Variants in IQGAP3 observed in about 807,000 individuals in gnomAD.
IQGAP3 encodes the protein IQ motif containing GTPase activating protein 3.
IQGAP3 carries 165 observed loss-of-function variants against 208.2 expected under a neutral mutation model. The observed-to-expected ratio is 0.79, with a 90% CI of 0.70 to 0.90. The LOEUF (loss-of-function observed/expected upper bound fraction) is 0.90, where lower values mean the gene tolerates loss of function less well. IQGAP3 is among the 40% of genes least tolerant of loss of function. The probability of loss-of-function intolerance (pLI) is 0.00; values close to 1 mark genes in which losing one functional copy is unlikely to be tolerated. For missense variants in IQGAP3, 1,811 were observed against 2,043.1 expected (o/e 0.89, Z 2.19); for synonymous variants, 703 against 803.6 (o/e 0.87, Z 2.12).
chr1:156,533,475 T>C (rs1428446904), intron 31 of IQGAP3, among the ~76,000 whole-genome samples: 1 of 152,182 alleles, frequency 6.6e-6, no homozygotes, highest in Non-Finnish European at 1.5e-5. Context: ...TCCTATTCCA[T>C]GGCCCGGAAA....
chr1:156,530,684 T>C (rs1351798106), intron 33 of IQGAP3, among the ~76,000 whole-genome samples: 1 of 152,126 alleles, frequency 6.6e-6, no homozygotes, highest in East Asian at 1.9e-4. Context: ...TTGGGGGCAT[T>C]TACCTGTCTG....
chr1:156,567,666 T>G (rs144361111), intron 2 of IQGAP3, among the ~76,000 whole-genome samples: 1 of 152,038 alleles, frequency 6.6e-6, no homozygotes, highest in East Asian at 1.9e-4. Flanking sequence ...GTTCCATGTC[T>G]TCCCTGCCTT....
intron 32 of IQGAP3, 86 bp from the exon 33 acceptor site, chr1:156,531,333 T>A (rs1674390041): frequency 1.0e-6 from 1 of 971,304 alleles, no homozygotes; most frequent in Admixed American, 1.7e-5. Context: ...TGAGAGTAAG[T>A]GGACCGTGCT....
At chr1:156,533,480 C>T (rs1230421289) in intron 31 of IQGAP3, among the ~76,000 whole-genome samples, 2 of 152,158 alleles carry the variant, frequency 1.3e-5, no homozygotes, top group Non-Finnish European at 2.9e-5. Context: ...TTCCATGGCC[C>T]GGAAACCCCT....
chr1:156,528,547 C>G lies in IQGAP3; in HGVS notation c.4635G>C (p.Lys1545Asn). 6.2e-7 allele frequency: 1 copy of G among 1,614,104 alleles called. No homozygotes were observed. Reference sequence around the variant, plus strand: ...GATCTTCAATTTCCACCAAGACACCCTTTTCCAGGAGCTGAGCAGCAGTGT... The same window carrying G: ...GATCTTCAATTTCCACCAAGACACCGTTTTCCAGGAGCTGAGCAGCAGTGT... ...LHYTAAQLLE[K>N]GVLVEIEDLP... The change falls in exon 36 of 38, where the codon AAG (lysine) becomes AAC (asparagine). Residue 1545 changes from lysine (K) to asparagine (N), a missense_variant. By Grantham distance (94) the Lys-to-Asn change is moderately conservative (BLOSUM62 0). Transcript: ENST00000361170.
At chr1:156,554,953 A>T (rs1675756488) in intron 12 of IQGAP3, among the ~76,000 whole-genome samples, 1 of 152,158 alleles carries the variant, frequency 6.6e-6, no homozygotes, top group Non-Finnish European at 1.5e-5. Context: ...GCTACTCAGG[A>T]GACTGAGGCA....
chr1:156,548,983 G>T (rs887846318), intron 16 of IQGAP3, among the ~76,000 whole-genome samples: 1 of 152,220 alleles, frequency 6.6e-6, no homozygotes, highest in Non-Finnish European at 1.5e-5. Context: ...GGGAGGCAGC[G>T]TGGGGCTAGG....
In IQGAP3 at chr1:156,548,366, C is replaced by T. The variant is rs772256097; in HGVS notation, c.2115G>A (p.Leu705=). 1 of 1,613,748 alleles carries T rather than the reference C, an allele frequency of 6.2e-7. No individual in the cohort carries two copies. Among genetic ancestry groups the T allele is most frequent in the East Asian group, 2.2e-5 (1 of 44,852 alleles). The change falls in exon 18 of 38, where the codon CTG becomes CTA. Residue 705 remains leucine, a synonymous_variant. Transcript: ENST00000361170. ...PPGCPLNTSH[L]TREEIQSAVT... is the part of the protein sequence containing the mutation. The stretch of plus-strand genomic sequence containing the variant: ...TGCCAACCTGGATCTCCTCCCGGGT[C>T]AGGTGAGAGGTGTTGAGGGGGCAGC...
intron 11 of IQGAP3, among the ~76,000 whole-genome samples, chr1:156,559,330 C>T (rs566046938): frequency 6.6e-6 from 1 of 152,252 alleles, no homozygotes; most frequent in South Asian, 2.1e-4. Flanking sequence ...AAGGTGGAGC[C>T]GTTTGCTGCA....
At chr1:156,541,573 C>T (rs1674985305) in intron 22 of IQGAP3, among the ~76,000 whole-genome samples, 1 of 152,206 alleles carries the variant, frequency 6.6e-6, no homozygotes, top group Non-Finnish European at 1.5e-5. Flanking sequence ...AGAACCTGTT[C>T]TAAGTACTTT....
intron 22 of IQGAP3, among the ~76,000 whole-genome samples, chr1:156,542,600 G>C (rs1675038583): frequency 6.6e-6 from 1 of 152,170 alleles, no homozygotes; most frequent in Admixed American, 6.5e-5. Flanking sequence ...CTACAAGATA[G>C]GTATTAGCAT....
chr1:156,532,990 G>C lies in IQGAP3; in HGVS notation c.4093C>G (p.Leu1365Val), dbSNP rs761631681. ...GCTGGCATCACCCACCTCAGAAGCA[G>C]GCTACGGGTGTTGGAGTCATCAGCA... ...ADADDSNTRS[L>V]LLSTKQLLAD... The change falls in exon 32 of 38, where the codon CTG becomes GTG. Residue 1365 changes from leucine to valine, a missense_variant. By Grantham distance (32) the Leu-to-Val change is conservative. Transcript: ENST00000361170. The C allele has an allele frequency of 1.2e-6, 2 of 1,614,048 alleles. No individual in the cohort carries two copies. The highest frequency in any genetic ancestry group is 1.7e-5 in the Admixed American group (1 of 60,022).
At chr1:156,534,287 A>C (rs1571315901) in intron 29 of IQGAP3, 146 bp from the exon 30 acceptor site, 1 of 1,283,486 alleles carries the variant, frequency 7.8e-7, no homozygotes. Context: ...GTCCTGCCCT[A>C]CCTCTGTCCC....
At chr1:156,542,536 T>A (rs1365417011) in intron 22 of IQGAP3, among the ~76,000 whole-genome samples, 1 of 152,158 alleles carries the variant, frequency 6.6e-6, no homozygotes, top group Non-Finnish European at 1.5e-5. Flanking sequence ...GCCAAGACAA[T>A]TCATGGCATC....
intron 1 of IQGAP3, among the ~76,000 whole-genome samples, chr1:156,569,765 C>T (rs373624563): frequency 7.2e-5 from 11 of 152,166 alleles, no homozygotes; most frequent in South Asian, 2.1e-4. Flanking sequence ...GTGATCCGCC[C>T]GCCTTGGCCT....
Position 156,527,940 on chromosome 1 carries a change from C to G in IQGAP3, c.4782+12G>C. 6.3e-7 allele frequency: 1 copy of G among 1,582,426 alleles called. No individual in the cohort carries two copies. Among genetic ancestry groups the G allele is most frequent in the Non-Finnish European group, 8.7e-7 (1 of 1,151,172 alleles). ...GCAGATGTCCTGCAGGCTCATGGGA[C>G]TGTCCCCTCACCTGATAGTGAAGCT... On this transcript the variant is annotated intron_variant, in intron 37 of 37. Coordinates refer to ENST00000361170, the MANE Select transcript of IQGAP3 (RefSeq NM_178229.5).
In IQGAP3 at chr1:156,565,521, A is replaced by C. The variant is rs548746369; in HGVS notation, c.360+506T>G. On this transcript the variant is annotated intron_variant, in intron 4 of 37. Transcript: ENST00000361170. Reference sequence around the variant, plus strand: ...TTGTATAGCTCTTCACAGTTCACAAAGGGAGTTCACACAGACCATGTGATC... The same window carrying C: ...TTGTATAGCTCTTCACAGTTCACAACGGGAGTTCACACAGACCATGTGATC... Among the ~76,000 whole-genome samples, 3 of 152,344 alleles carry C rather than the reference A, an allele frequency of 2.0e-5. No individual in the cohort carries two copies. In the East Asian group the frequency reaches 5.8e-4, roughly 29 times the overall value.
At chr1:156,567,668 C>T (rs1676468740) in intron 2 of IQGAP3, among the ~76,000 whole-genome samples, 1 of 151,834 alleles carries the variant, frequency 6.6e-6, no homozygotes, top group South Asian at 2.1e-4. Context: ...TCCATGTCTT[C>T]CCTGCCTTAG....
chr1:156,534,315 A>C (rs2102365334), intron 29 of IQGAP3, among the ~76,000 whole-genome samples, 174 bp from the exon 30 acceptor site: 1 of 152,134 alleles, frequency 6.6e-6, no homozygotes, highest in South Asian at 2.1e-4. Context: ...CCTCAAGACA[A>C]TCTCTCTTAA....
Sources: allele counts gnomAD v4.1 joint callset (sites outside exome capture counted in the v4.1 genomes callset), GRCh38; gene constraint gnomAD v4.1.1; transcripts MANE v1.5; gene names NCBI Gene and HGNC (gene_info 2026-07-23, HGNC 2026-07-21).